KHDRBS2: variants seen among roughly 807,000 people sequenced by gnomAD.
KHDRBS2 encodes the protein KH domain-containing, RNA-binding, signal transduction-associated protein 2.
Under a neutral mutation model 44.3 loss-of-function variants are expected in KHDRBS2, and 26 were observed. That is an observed-to-expected ratio of 0.59 (90% confidence interval 0.43 to 0.81). The LOEUF (loss-of-function observed/expected upper bound fraction) is 0.81. Ranked by LOEUF, KHDRBS2 falls within the 40% of genes least tolerant of loss-of-function variation. The pLI, the probability that KHDRBS2 is intolerant of heterozygous loss-of-function variation, is 0.00. For missense variants in KHDRBS2, 476 were observed against 433.1 expected (o/e 1.10, Z -0.88); for synonymous variants, 194 against 151.1 (o/e 1.28, Z -2.08).
intron 8 of KHDRBS2, among the ~76,000 whole-genome samples, chr6:61,684,609 C>A (rs1766630328): frequency 6.6e-6 from 1 of 151,708 alleles, no homozygotes; most frequent in African/African-American, 2.4e-5. Context: ...TTAGAAATTT[C>A]TTTATCCTTT....
At chr6:62,031,694 G>A (rs1784365840) in intron 3 of KHDRBS2, among the ~76,000 whole-genome samples, 1 of 152,094 alleles carries the variant, frequency 6.6e-6, no homozygotes, top group South Asian at 2.1e-4. Context: ...CTTGTGGGTT[G>A]AGTGTCAGCT....
intron 7 of KHDRBS2, among the ~76,000 whole-genome samples, chr6:61,701,037 C>A (rs1768569767): frequency 6.6e-6 from 1 of 151,770 alleles, no homozygotes; most frequent in Non-Finnish European, 1.5e-5. Context: ...AGGGCATTAT[C>A]TTAGTGGGAG....
chr6:61,958,968 T>C (rs1489179331), intron 4 of KHDRBS2, among the ~76,000 whole-genome samples: 1 of 152,192 alleles, frequency 6.6e-6, no homozygotes, highest in Non-Finnish European at 1.5e-5. Context: ...GGACAGACAA[T>C]GCTGCAGAAC....
chr6:61,608,849 T>G, the KHDRBS2 span, among the ~76,000 whole-genome samples: 2 of 152,172 alleles, frequency 1.3e-5, no homozygotes, highest in Non-Finnish European at 2.9e-5. Flanking sequence ...TGATGAGCAT[T>G]TGGGTTGGTT....
chr6:62,132,951 C>T (rs1810669624), intron 2 of KHDRBS2, among the ~76,000 whole-genome samples: 1 of 152,150 alleles, frequency 6.6e-6, no homozygotes, highest in Non-Finnish European at 1.5e-5. Context: ...GACTCAACAG[C>T]GTTTTTCCAT....
At chr6:62,280,040 A>G (rs1426066373) in intron 1 of KHDRBS2, among the ~76,000 whole-genome samples, 2 of 152,220 alleles carry the variant, frequency 1.3e-5, no homozygotes, top group Non-Finnish European at 2.9e-5. Flanking sequence ...TTCTAAAATA[A>G]CAGTTTGAAT....
chr6:62,173,490 C>T (rs888537101), intron 2 of KHDRBS2, among the ~76,000 whole-genome samples: 3 of 152,126 alleles, frequency 2.0e-5, no homozygotes, highest in African/African-American at 7.2e-5. Context: ...GGATTCACAT[C>T]CAGATTTTAC....
chr6:61,832,959 A>G (rs2127263925), intron 6 of KHDRBS2, among the ~76,000 whole-genome samples: 1 of 152,336 alleles, frequency 6.6e-6, no homozygotes, highest in African/African-American at 2.4e-5. Flanking sequence ...CTTTGATTAA[A>G]ATTAATTTTT....
At chr6:61,659,401 T>A in the KHDRBS2 span, among the ~76,000 whole-genome samples, 1 of 151,822 alleles carries the variant, frequency 6.6e-6, no homozygotes, top group Admixed American at 6.6e-5. Flanking sequence ...TGCCCCAAGC[T>A]TCATTTGTAA....
intron 3 of KHDRBS2, among the ~76,000 whole-genome samples, chr6:61,999,513 C>A (rs777090769): frequency 6.6e-5 from 10 of 152,066 alleles, no homozygotes; most frequent in Non-Finnish European, 1.5e-4. Context: ...AAAAACACAT[C>A]CTTTGGATGT....
chr6:61,929,751 G>T (rs1242609681), intron 4 of KHDRBS2, among the ~76,000 whole-genome samples: 1 of 152,062 alleles, frequency 6.6e-6, no homozygotes, highest in Non-Finnish European at 1.5e-5. Flanking sequence ...GCTAAAAAGA[G>T]ATATTATTTT....
At chr6:61,569,405 A>C in the KHDRBS2 span, among the ~76,000 whole-genome samples, 3 of 152,148 alleles carry the variant, frequency 2.0e-5, no homozygotes, top group Non-Finnish European at 2.9e-5. Flanking sequence ...AAATTAGAGC[A>C]AGCTTAGATC....
the KHDRBS2 span, among the ~76,000 whole-genome samples, chr6:61,591,407 C>T: frequency 6.6e-6 from 1 of 152,052 alleles, no homozygotes; most frequent in Non-Finnish European, 1.5e-5. Flanking sequence ...AAAAAGCAAA[C>T]ATAAATGGAT....
At position 61,977,209 on chromosome 6, in the gene KHDRBS2, C is replaced by A. The variant is rs188722046; in HGVS notation, c.483+857G>T. ...TCTGCAGTTTCTTCATTGTGCAGAT[C>A]TATCTTAGCTGTGTGCTTTCTCTGT... is the stretch of plus-strand genomic sequence containing the variant. On this transcript the variant is annotated intron_variant, in intron 4 of 8. Coordinates refer to ENST00000281156, the MANE Select transcript of KHDRBS2 (RefSeq NM_152688.4). 1.9e-3 allele frequency among the ~76,000 whole-genome samples: 285 copies of A among 152,206 alleles called. 1 individual carries two copies. The highest frequency in any genetic ancestry group is 8.8e-4 in the Non-Finnish European group (60 of 67,992).
intron 6 of KHDRBS2, among the ~76,000 whole-genome samples, chr6:61,744,975 T>C (rs1471717849): frequency 6.6e-6 from 1 of 152,184 alleles, no homozygotes; most frequent in Admixed American, 6.6e-5. Context: ...TTAATTTCAA[T>C]AGTTTTACAA....
chr6:61,557,809 A>T, the KHDRBS2 span, among the ~76,000 whole-genome samples: 2 of 152,084 alleles, frequency 1.3e-5, no homozygotes, highest in Non-Finnish European at 2.9e-5. Context: ...TACAACTTTG[A>T]TCTCTTTACT....
At chr6:61,583,756 T>G in the KHDRBS2 span, among the ~76,000 whole-genome samples, 1 of 151,674 alleles carries the variant, frequency 6.6e-6, no homozygotes, top group Admixed American at 6.6e-5. Flanking sequence ...ATAATCTTGC[T>G]AATATTTTTA....
intron 1 of KHDRBS2, among the ~76,000 whole-genome samples, chr6:62,224,003 TG>T (rs1056411395): frequency 5.9e-5 from 9 of 152,160 alleles, no homozygotes; most frequent in Admixed American, 2.6e-4. Context: ...TCCACATTTT[TG>T]GGTATATTTT....
At chr6:62,221,926 A>C (rs2150152899) in intron 1 of KHDRBS2, among the ~76,000 whole-genome samples, 1 of 152,292 alleles carries the variant, frequency 6.6e-6, no homozygotes, top group East Asian at 1.9e-4. Context: ...TAACTAAAAA[A>C]CATACCAATA....
Sources: gnomAD v4.1 joint callset for allele counts (sites outside exome capture counted in the v4.1 genomes callset) on GRCh38, gnomAD v4.1.1 for gene constraint, MANE v1.5 for transcripts, NCBI Gene and HGNC (gene_info 2026-07-23, HGNC 2026-07-21) for gene names.